The following ZNF593 variants were observed in gnomAD, a reference collection of about 807,000 sequenced individuals.
The protein encoded by ZNF593 is zinc finger protein 593.
In ZNF593, 18 loss-of-function variants were observed where a neutral mutation model predicts 12.9. The observed-to-expected ratio is 1.40, with a 90% CI of 0.96 to 2.07. The LOEUF is 2.07. ZNF593 is among the 30% of genes most tolerant of loss of function. The pLI, the probability that ZNF593 is intolerant of heterozygous loss-of-function variation, is 0.00. For synonymous variants in ZNF593, 79 were observed against 79.9 expected, an observed-to-expected ratio of 0.99 and a Z score of 0.06; for missense variants, 198 against 186.7, an observed-to-expected ratio of 1.06 and a Z score of -0.35.
Position 26,169,961 on chromosome 1 carries a change from G to A in ZNF593, c.-23G>A, listed in dbSNP as rs756821693. 11 of 1,525,696 alleles carry A rather than the reference G, an allele frequency of 7.2e-6. No homozygotes were observed. The highest frequency in any genetic ancestry group is 9.6e-6 in the Non-Finnish European group (11 of 1,140,286). 94.5% of individuals were successfully genotyped at this position (1,525,696 alleles called of 1,614,324 possible). The stretch of plus-strand genomic sequence containing the variant: ...CTCCCTGCCCTGCTCCTGGCCCCTT[G>A]GCCGGCCGGGCTGTTTCTGGCCATG... On this transcript the variant is annotated 5_prime_UTR_variant, in exon 1 of 3. Coordinates refer to ENST00000374266, the MANE Select transcript of ZNF593 (RefSeq NM_015871.5).
Position 26,170,688 on chromosome 1 carries a change from A to T in ZNF593, c.377A>T (p.Glu126Val). 1 of 1,609,114 alleles carries T rather than the reference A, an allele frequency of 6.2e-7. No homozygotes were observed. The highest frequency in any genetic ancestry group is 1.3e-5 in the African/African-American group (1 of 75,046). The change falls in exon 3 of 3, where the codon GAG becomes GTG. Residue 126 changes from glutamate to valine, a missense_variant. Transcript: ENST00000374266. ...RLAVPTEVST[E>V]VPEMDTST ...GCAGTGCCCACGGAAGTGTCCACTG[A>T]GGTCCCTGAGATGGATACCTCTACC...
At position 26,170,095 on chromosome 1, in the gene ZNF593, CAG is replaced by C. The variant is rs1557613802; in HGVS notation, c.113_114del (p.Gln38ArgfsTer88). The C allele has an allele frequency of 6.4e-7, 1 of 1,570,890 alleles. No homozygotes were observed. Among genetic ancestry groups the C allele is most frequent in the East Asian group, 2.3e-5 (1 of 42,812 alleles). On this transcript the variant is annotated frameshift_variant, in exon 1 of 3. Coordinates refer to ENST00000374266, the MANE Select transcript of ZNF593 (RefSeq NM_015871.5). LOFTEE classifies it high-confidence loss of function. ...TGAGATTCACCGCGAGCTGCGGCCT[CAG>C]GGATCCGCACGACCCCAGCCCGACC... Reference protein sequence around the residue: ...LDEIHRELRPQGSARPQPDPN... With the variant: ...LDEIHRELRPXGSARPQPDPN...
In ZNF593 at chr1:26,170,191, C is replaced by G. The variant is rs1467535578; in HGVS notation, c.200+8C>G. On this transcript the variant is annotated splice_region_variant and intron_variant, in intron 1 of 2. Transcript: ENST00000374266. ...CCGCTGTCTGGCCTGCGCGTGAGTCCCGGACGAGCCCGGCCTGGGGCGGAG... is the reference window on the plus strand; with the variant it reads ...CCGCTGTCTGGCCTGCGCGTGAGTCGCGGACGAGCCCGGCCTGGGGCGGAG... 6.4e-7 allele frequency: 1 copy of G among 1,572,098 alleles called. No individual in the cohort carries two copies. Among genetic ancestry groups the G allele is most frequent in the South Asian group, 1.1e-5 (1 of 87,772 alleles).
In ZNF593 at chr1:26,170,821, G is replaced by C. The variant is rs1331241966; in HGVS notation, c.*105G>C. On this transcript the variant is annotated 3_prime_UTR_variant, in exon 3 of 3. Transcript: ENST00000374266. ...CCTTTTGCCTCTGGGTTTGGGGAGC[G>C]GAGGGCCTCTTCTTGGTGCCCTGCC... 8 of 1,426,102 alleles carry C rather than the reference G, an allele frequency of 5.6e-6. 1 individual carries two copies. The South Asian group carries it at 1.1e-4, about 20-fold the overall frequency. The allele number at this position is 1,426,102 out of a possible 1,614,324, so 88.3% of individuals were successfully genotyped here. A position where few individuals can be genotyped will look rare whatever the true frequency, so the allele number is the denominator to read the frequency against.
chr1:26,170,404 T>C lies in ZNF593; in HGVS notation c.201-14T>C. 3 of 1,612,254 alleles carry C rather than the reference T, an allele frequency of 1.9e-6. No homozygotes were observed. The highest frequency in any genetic ancestry group is 1.7e-6 in the Non-Finnish European group (2 of 1,178,698). ...ATCACCTCCTCACTCTCCTTCTCAC[T>C]TCCATTCCTACAGGAGGTACTTCAT... On this transcript the variant is annotated splice_polypyrimidine_tract_variant and intron_variant, in intron 1 of 2. Coordinates refer to ENST00000374266, the MANE Select transcript of ZNF593 (RefSeq NM_015871.5).
chr1:26,170,748 C>T lies in ZNF593; in HGVS notation c.*32C>T. The T allele has an allele frequency of 1.9e-6, 3 of 1,589,434 alleles. No individual in the cohort carries two copies. Among genetic ancestry groups the T allele is most frequent in the Non-Finnish European group, 2.6e-6 (3 of 1,173,120 alleles). ...CTGAAGATGCAGGGCAGAGGAATTG[C>T]CCATGGACAGTGACGCAAGGACTAG... On this transcript the variant is annotated 3_prime_UTR_variant, in exon 3 of 3. Coordinates refer to ENST00000374266, the MANE Select transcript of ZNF593 (RefSeq NM_015871.5).
In ZNF593 at chr1:26,169,937, T is replaced by TCCCTG. The variant is rs1265342675; in HGVS notation, c.-40_-36dup. 6.7e-7 allele frequency: 1 copy of TCCCTG among 1,500,862 alleles called. No individual in the cohort carries two copies. The highest frequency in any genetic ancestry group is 1.4e-5 in the African/African-American group (1 of 72,102). The allele number at this position is 1,500,862 out of a possible 1,614,324, so 93.0% of individuals were successfully genotyped here. On this transcript the variant is annotated 5_prime_UTR_variant, in exon 1 of 3. Coordinates refer to ENST00000374266, the MANE Select transcript of ZNF593 (RefSeq NM_015871.5). ...GGCCCGGAAGTGCTCACACGTGTGCTCCCTGCCCTGCTCCTGGCCCCTTGG... is the reference window on the plus strand; with the variant it reads ...GGCCCGGAAGTGCTCACACGTGTGCTCCCTGCCCTGCCCTGCTCCTGGCCCCTTGG...
Position 26,170,077 on chromosome 1 carries a change from C to G in ZNF593, c.94C>G (p.His32Asp). 6.4e-7 allele frequency: 1 copy of G among 1,573,468 alleles called. No individual in the cohort carries two copies. The highest frequency in any genetic ancestry group is 8.6e-7 in the Non-Finnish European group (1 of 1,162,470). Residue 32 changes from histidine to aspartate, a missense_variant, in exon 1 of 3, where the codon CAC becomes GAC. His to Asp is a moderately conservative substitution (Grantham distance 81). Transcript: ENST00000374266. ...GCGGCGGCCGGACTTGGATGAGATT[C>G]ACCGCGAGCTGCGGCCTCAGGGATC... is the stretch of plus-strand genomic sequence containing the variant. ...KRRRPDLDEIHRELRPQGSAR... is the reference protein window; with the variant it reads ...KRRRPDLDEIDRELRPQGSAR...
In ZNF593 at chr1:26,170,113, C is replaced by T. The variant is rs1397545722; in HGVS notation, c.130C>T (p.Gln44Ter). The change falls in exon 1 of 3, where the codon CAG (glutamine) becomes TAG (stop). Residue 44 changes from glutamine (Q) to a stop codon, truncating the protein, a stop_gained. Coordinates refer to ENST00000374266, the MANE Select transcript of ZNF593 (RefSeq NM_015871.5). LOFTEE classifies it high-confidence loss of function. Reference protein sequence around the residue: ...ELRPQGSARPQPDPNAEFDPD... With the variant: ...ELRPQGSARP ...GCGGCCTCAGGGATCCGCACGACCC[C>T]AGCCCGACCCAAACGCCGAGTTCGA... The T allele has an allele frequency of 7.0e-6, 11 of 1,570,066 alleles. No individual in the cohort carries two copies. The highest frequency in any genetic ancestry group is 9.5e-6 in the Non-Finnish European group (11 of 1,160,002).
chr1:26,170,036 A>G lies in ZNF593; in HGVS notation c.53A>G (p.Gln18Arg), dbSNP rs1195244157. Residue 18 changes from glutamine (Q) to arginine (R), a missense_variant, in exon 1 of 3, where the codon CAG becomes CGG. Coordinates refer to ENST00000374266, the MANE Select transcript of ZNF593 (RefSeq NM_015871.5). ...CACCGAGCGCACTCTCTAGCCCGGC[A>G]GATGAAGGCGAAGCGGCGGCGGCCG... is the stretch of plus-strand genomic sequence containing the variant. ...GAHRAHSLAR[Q>R]MKAKRRRPDL... 1 of 1,573,254 alleles carries G rather than the reference A, an allele frequency of 6.4e-7. No homozygotes were observed. The highest frequency in any genetic ancestry group is 8.6e-7 in the Non-Finnish European group (1 of 1,163,042).
At chr1:26,170,261 G>A in intron 1 of ZNF593, 78 bp downstream of exon 1, 1 of 1,567,672 alleles carries the variant, frequency 6.4e-7, no homozygotes, top group South Asian at 1.2e-5. Flanking sequence ...TGAAGCCCCA[G>A]GCAGCGCAGA....
At chr1:26,170,550 C>T in intron 2 of ZNF593, 25 bp from the exon 3 acceptor site, 1 of 1,614,078 alleles carries the variant, frequency 6.2e-7, no homozygotes, top group Non-Finnish European at 8.5e-7. Flanking sequence ...GGTCAGCTCC[C>T]AACTCCTGTT....
chr1:26,170,107 C>T lies in ZNF593; in HGVS notation c.124C>T (p.Arg42Ter). 1 of 1,569,972 alleles carries T rather than the reference C, an allele frequency of 6.4e-7. No homozygotes were observed. The highest frequency in any genetic ancestry group is 2.3e-5 in the East Asian group (1 of 42,602). Residue 42 changes from arginine (R) to a stop codon, truncating the protein, a stop_gained, in exon 1 of 3, where the codon CGA (arginine) becomes TGA (stop). Transcript: ENST00000374266. LOFTEE classifies it high-confidence loss of function. ...HRELRPQGSA[R>*]PQPDPNAEFD... ...CGAGCTGCGGCCTCAGGGATCCGCA[C>T]GACCCCAGCCCGACCCAAACGCCGA...
At position 26,170,011 on chromosome 1, in the gene ZNF593, C is replaced by T. The variant is rs931085067; in HGVS notation, c.28C>T (p.His10Tyr). 6.4e-7 allele frequency: 1 copy of T among 1,558,950 alleles called. No individual in the cohort carries two copies. The highest frequency in any genetic ancestry group is 8.7e-7 in the Non-Finnish European group (1 of 1,155,732). MGRSRRTGA[H>Y]RAHSLARQMK... ...GGGTCGCTCCCGCCGGACAGGCGCG[C>T]ACCGAGCGCACTCTCTAGCCCGGCA... is the stretch of plus-strand genomic sequence containing the variant. Residue 10 changes from histidine (H) to tyrosine (Y), a missense_variant, in exon 1 of 3, where the codon CAC becomes TAC. Transcript: ENST00000374266.
intron 1 of ZNF593, 37 bp from the exon 2 acceptor site, chr1:26,170,381 C>A (rs773036445): frequency 1.9e-6 from 3 of 1,593,106 alleles, no homozygotes; most frequent in South Asian, 1.1e-5. Flanking sequence ...GGGAGACTAT[C>A]ACCTCCTCAC....
chr1:26,170,275 TTC>T, intron 1 of ZNF593, 92 bp downstream of exon 1: 1 of 1,551,404 alleles, frequency 6.4e-7, no homozygotes, highest in Non-Finnish European at 8.7e-7. Context: ...GCGCAGAGTC[TTC>T]TCTCTTGGGA....
chr1:26,170,395 CCTT>C lies in ZNF593; in HGVS notation c.201-20_201-18del. 11 of 1,609,950 alleles carry C rather than the reference CCTT, an allele frequency of 6.8e-6. No homozygotes were observed. Among genetic ancestry groups the C allele is most frequent in the African/African-American group, 1.3e-5 (1 of 74,948 alleles). ...TGGGAGACTATCACCTCCTCACTCT[CCTT>C]CTCACTTCCATTCCTACAGGAGGTA... On this transcript the variant is annotated intron_variant, in intron 1 of 2. Coordinates refer to ENST00000374266, the MANE Select transcript of ZNF593 (RefSeq NM_015871.5).
At position 26,170,659 on chromosome 1, in the gene ZNF593, G is replaced by T; in HGVS notation, c.348G>T (p.Arg116=). ...TGGGATCCTATGTGCCCCCCAGGCG[G>T]CTGGCAGTGCCCACGGAAGTGTCCA... ...AGMGSYVPPR[R]LAVPTEVSTE... Residue 116 remains arginine (R), a synonymous_variant, in exon 3 of 3, where the codon CGG becomes CGT. Transcript: ENST00000374266. 6.2e-7 allele frequency: 1 copy of T among 1,611,872 alleles called. No individual in the cohort carries two copies. Among genetic ancestry groups the T allele is most frequent in the South Asian group, 1.1e-5 (1 of 91,084 alleles).
rs986603089 is a variant in ZNF593 at position 26,170,660 on chromosome 1, C to T, written c.349C>T (p.Leu117=). 5.9e-5 allele frequency: 95 copies of T among 1,611,714 alleles called. No individual in the cohort carries two copies. Among genetic ancestry groups the T allele is most frequent in the Non-Finnish European group, 7.8e-5 (92 of 1,180,028 alleles). The part of the protein sequence containing the change: ...GMGSYVPPRR[L]AVPTEVSTEV... ...GGGATCCTATGTGCCCCCCAGGCGG[C>T]TGGCAGTGCCCACGGAAGTGTCCAC... The change falls in exon 3 of 3, where the codon CTG becomes TTG. Residue 117 remains leucine (L), a synonymous_variant. Transcript: ENST00000374266.
Sources: gnomAD v4.1 joint callset for allele counts on GRCh38, gnomAD v4.1.1 for gene constraint, MANE v1.5 for transcripts, NCBI Gene and HGNC (gene_info 2026-07-23, HGNC 2026-07-21) for gene names.